Variants in AHCTF1 observed in about 807,000 individuals in gnomAD.
The protein encoded by AHCTF1 is AT-hook containing transcription factor 1, also known as protein ELYS.
In AHCTF1, 24 loss-of-function variants were observed where a neutral mutation model predicts 248.4. The observed-to-expected ratio is 0.10, with a 90% CI of 0.07 to 0.14. AHCTF1 has a LOEUF of 0.14. AHCTF1 is among the 10% of genes least tolerant of loss of function. The pLI, the probability that AHCTF1 is intolerant of heterozygous loss-of-function variation, is 1.00. For synonymous variants in AHCTF1, 786 were observed against 929.8 expected, an observed-to-expected ratio of 0.85 and a Z score of 2.81; for missense variants, 2,206 against 2,636.2, an observed-to-expected ratio of 0.84 and a Z score of 3.57.
chr1:246,926,262 T>G (rs564411863), intron 1 of AHCTF1, among the ~76,000 whole-genome samples: 83 of 152,238 alleles, frequency 5.5e-4, no homozygotes, highest in African/African-American at 1.9e-3. Context: ...CACATATTCC[T>G]TTATAGCAAC....
chr1:246,868,695 A>G (rs1203930416), intron 24 of AHCTF1, among the ~76,000 whole-genome samples: 3 of 151,530 alleles, frequency 2.0e-5, no homozygotes, highest in Non-Finnish European at 2.9e-5. Context: ...TTCTTTCATT[A>G]TGCATACACT....
At chr1:246,859,217 G>A (rs533424108) in intron 29 of AHCTF1, among the ~76,000 whole-genome samples, 2 of 152,340 alleles carry the variant, frequency 1.3e-5, no homozygotes, top group Admixed American at 6.5e-5. Flanking sequence ...AACTACTTAA[G>A]ATGCAGATTT....
At chr1:246,855,619 G>A in intron 31 of AHCTF1, 111 bp downstream of exon 31, 1 of 803,038 alleles carries the variant, frequency 1.2e-6, no homozygotes, top group Non-Finnish European at 1.9e-6. Flanking sequence ...AGGAATAACT[G>A]AGGAGGAAAA....
At chr1:246,906,448 G>A (rs1665399159) in intron 5 of AHCTF1, among the ~76,000 whole-genome samples, 1 of 151,978 alleles carries the variant, frequency 6.6e-6, no homozygotes, top group Non-Finnish European at 1.5e-5. Context: ...TGGGTTCAGT[G>A]GTGCACACAT....
chr1:246,844,546 G>A (rs1469866442), intron 33 of AHCTF1, among the ~76,000 whole-genome samples: 1 of 151,996 alleles, frequency 6.6e-6, no homozygotes, highest in Non-Finnish European at 1.5e-5. Flanking sequence ...CAAAGTGAGA[G>A]CCCTGTCTCT....
Position 246,894,877 on chromosome 1 carries a change from T to G in AHCTF1, c.1715-129A>C. ...ACATCAACACTTCAGGGAGGCAACT[T>G]GGGAAAATGGACTTTCTCAGTGCAC... On this transcript the variant is annotated intron_variant, in intron 13 of 35. Coordinates refer to ENST00000648844, the MANE Select transcript of AHCTF1 (RefSeq NM_001323342.2). 4 of 721,516 alleles carry G rather than the reference T, an allele frequency of 5.5e-6. No individual in the cohort carries two copies. In the South Asian group the frequency reaches 7.0e-5, roughly 13 times the overall value. The allele number at this position is 721,516 out of a possible 1,614,324, so 44.7% of individuals were successfully genotyped here. A position where few individuals can be genotyped will look rare whatever the true frequency, so the allele number is the denominator to read the frequency against.
intron 2 of AHCTF1, 32 bp downstream of exon 2, chr1:246,918,218 T>C (rs1246600250): frequency 6.3e-7 from 1 of 1,574,866 alleles, no homozygotes; most frequent in South Asian, 1.2e-5. Flanking sequence ...AAATCAATTG[T>C]ATTAGTAAAT....
chr1:246,889,809 CTTTTT>C, intron 17 of AHCTF1, among the ~76,000 whole-genome samples, 152 bp downstream of exon 17: 1 of 152,118 alleles, frequency 6.6e-6, no homozygotes, highest in Non-Finnish European at 1.5e-5. Context: ...TATTCGTGTA[CTTTTT>C]TAAAAAAGAG....
intron 24 of AHCTF1, among the ~76,000 whole-genome samples, chr1:246,872,510 C>A (rs1050246652): frequency 1.3e-5 from 2 of 152,190 alleles, no homozygotes; most frequent in Non-Finnish European, 1.5e-5. Context: ...AGAGTGACAA[C>A]AGAACTGCCT....
At chr1:246,920,567 G>A (rs971737610) in intron 1 of AHCTF1, among the ~76,000 whole-genome samples, 2 of 151,446 alleles carry the variant, frequency 1.3e-5, no homozygotes, top group African/African-American at 2.4e-5. Context: ...TCAGGAGATC[G>A]AGACCATCCT....
In AHCTF1 at chr1:246,857,699, G is replaced by T. The variant is rs1426632541; in HGVS notation, c.4248C>A (p.Val1416=). The change falls in exon 30 of 36, where the codon GTC becomes GTA. Residue 1416 remains valine (V), a synonymous_variant. Transcript: ENST00000648844. ...GTEASLCAPS[V]YEGKIFTQKS... is the part of the protein sequence containing the mutation. Reference sequence around the variant, plus strand: ...TCTCTCCATTAACTTACCCTTCATAGACTGATGGTGCACAAAGAGAAGCTT... The same window carrying T: ...TCTCTCCATTAACTTACCCTTCATATACTGATGGTGCACAAAGAGAAGCTT... 6 of 1,611,968 alleles carry T rather than the reference G, an allele frequency of 3.7e-6. No individual in the cohort carries two copies. In the East Asian group the frequency reaches 8.9e-5, roughly 24 times the overall value.
chr1:246,861,811 A>ACC, intron 28 of AHCTF1, 148 bp downstream of exon 28: 1 of 735,568 alleles, frequency 1.4e-6, no homozygotes, highest in Non-Finnish European at 2.2e-6. Context: ...TTCAGAACTA[A>ACC]CCTTTTCTTA....
At chr1:246,910,172 T>C (rs1224454573) in intron 4 of AHCTF1, among the ~76,000 whole-genome samples, 1 of 152,172 alleles carries the variant, frequency 6.6e-6, no homozygotes, top group African/African-American at 2.4e-5. Context: ...TGATACCACA[T>C]GAAAGCACAG....
chr1:246,847,451 G>T (rs181717914), intron 33 of AHCTF1, among the ~76,000 whole-genome samples: 1 of 152,070 alleles, frequency 6.6e-6, no homozygotes, highest in East Asian at 1.9e-4. Context: ...TGATTCTTTC[G>T]ATGGCTGGAT....
intron 1 of AHCTF1, among the ~76,000 whole-genome samples, chr1:246,930,586 TAA>T (rs781552719): frequency 1.5e-5 from 2 of 133,690 alleles, no homozygotes; most frequent in African/African-American, 5.3e-5. Context: ...AAAAACAGTT[TAA>T]AAAAAAAAAA....
intron 2 of AHCTF1, 87 bp downstream of exon 2, chr1:246,918,163 C>T: frequency 6.5e-6 from 8 of 1,226,670 alleles, no homozygotes; most frequent in Non-Finnish European, 8.4e-6. Context: ...TTTTCTTCTT[C>T]CACATAAAGA....
At chr1:246,845,530 A>G (rs1281736251) in intron 33 of AHCTF1, among the ~76,000 whole-genome samples, 1 of 152,208 alleles carries the variant, frequency 6.6e-6, no homozygotes, top group Non-Finnish European at 1.5e-5. Flanking sequence ...TACATTCTAT[A>G]ACTCTCTTCT....
At chr1:246,882,061 C>A (rs9729306) in intron 21 of AHCTF1, among the ~76,000 whole-genome samples, 3 of 148,526 alleles carry the variant, frequency 2.0e-5, no homozygotes, top group African/African-American at 5.0e-5. Context: ...GCAATGGCAC[C>A]ATCTCTGCTC....
chr1:246,922,982 C>CAAAAA (rs34313695), intron 1 of AHCTF1, among the ~76,000 whole-genome samples: 2 of 63,938 alleles, frequency 3.1e-5, no homozygotes, highest in East Asian at 4.8e-4. Flanking sequence ...GACTCTGTCT[C>CAAAAA]AAAAAAAAAA....
Sources: gnomAD v4.1 joint callset for allele counts (sites outside exome capture counted in the v4.1 genomes callset) on GRCh38, gnomAD v4.1.1 for gene constraint, MANE v1.5 for transcripts, NCBI Gene and HGNC (gene_info 2026-07-23, HGNC 2026-07-21) for gene names.